The following ANK3 variants were observed in gnomAD, a reference collection of about 807,000 sequenced individuals.
ANK3 encodes ankyrin-3.
Under a neutral mutation model 370.9 loss-of-function variants are expected in ANK3, and 57 were observed. That is an observed-to-expected ratio of 0.15 (90% CI 0.12 to 0.19). The LOEUF is 0.19. ANK3 is among the 10% of genes least tolerant of loss of function. ANK3 has a pLI of 1.00. For missense variants in ANK3, 4,439 were observed against 5,302.1 expected (o/e 0.84, Z 5.06); for synonymous variants, 1,929 against 1,946.3 (o/e 0.99, Z 0.23).
At chr10:60,467,428 T>C (rs1247176519) in intron 2 of ANK3, among the ~76,000 whole-genome samples, 1 of 152,180 alleles carries the variant, frequency 6.6e-6, no homozygotes, top group South Asian at 2.1e-4. Context: ...AACACATCTT[T>C]AGCAGGATGT....
chr10:60,355,937 C>A (rs777157903), intron 1 of ANK3, among the ~76,000 whole-genome samples: 23 of 152,154 alleles, frequency 1.5e-4, no homozygotes, highest in Non-Finnish European at 3.4e-4. Flanking sequence ...GAAACAGAAG[C>A]CAGTTATTTC....
chr10:60,197,574 G>T (rs1306623941), intron 14 of ANK3, among the ~76,000 whole-genome samples: 1 of 152,198 alleles, frequency 6.6e-6, no homozygotes, highest in Non-Finnish European at 1.5e-5. Context: ...AGAGCCCAAA[G>T]AATCACAAGA....
chr10:60,618,948 A>T (rs2078299414), intron 1 of ANK3, among the ~76,000 whole-genome samples: 1 of 152,118 alleles, frequency 6.6e-6, no homozygotes, highest in South Asian at 2.1e-4. Context: ...AAAACCAGAA[A>T]TAAGAAAAAA....
At chr10:60,469,975 T>C (rs1366993297) in intron 2 of ANK3, among the ~76,000 whole-genome samples, 1 of 152,012 alleles carries the variant, frequency 6.6e-6, no homozygotes, top group Non-Finnish European at 1.5e-5. Flanking sequence ...ATAATCTATT[T>C]ATCTGTGTGT....
chr10:60,442,462 T>C (rs76071009), intron 2 of ANK3, among the ~76,000 whole-genome samples: 13,014 of 152,230 alleles, frequency 0.085, 659 homozygotes, highest in South Asian at 0.16. Flanking sequence ...AAATGCTATG[T>C]AAGTGGTTGT....
chr10:60,368,953 G>A (rs1055235240), intron 1 of ANK3, among the ~76,000 whole-genome samples: 1 of 152,138 alleles, frequency 6.6e-6, no homozygotes. Flanking sequence ...GACTATAGAA[G>A]GGAATAAAGG....
intron 2 of ANK3, among the ~76,000 whole-genome samples, chr10:60,510,574 G>A (rs1186272378): frequency 1.3e-5 from 2 of 152,252 alleles, no homozygotes; most frequent in East Asian, 3.9e-4. Flanking sequence ...AGCACTTTGG[G>A]AGGCCCAGGC....
At chr10:60,658,688 G>A (rs1473162163) in intron 1 of ANK3, among the ~76,000 whole-genome samples, 1 of 152,028 alleles carries the variant, frequency 6.6e-6, no homozygotes, top group African/African-American at 2.4e-5. Flanking sequence ...TTTTTCTCCT[G>A]AGTATAGGTC....
At chr10:60,326,273 CTTAAAAG>C (rs946302855) in intron 1 of ANK3, among the ~76,000 whole-genome samples, 24 of 151,512 alleles carry the variant, frequency 1.6e-4, no homozygotes, top group African/African-American at 5.4e-4. Context: ...TATTTCTGAA[CTTAAAAG>C]TTAAAAAAAT....
At chr10:60,619,331 A>G (rs577165736) in intron 1 of ANK3, among the ~76,000 whole-genome samples, 49 of 152,142 alleles carry the variant, frequency 3.2e-4, no homozygotes, top group African/African-American at 1.1e-3. Flanking sequence ...CCTGCCTCCA[A>G]TCTAAGTTCC....
At chr10:60,241,082 T>C (rs1310648328) in intron 7 of ANK3, among the ~76,000 whole-genome samples, 1 of 152,208 alleles carries the variant, frequency 6.6e-6, no homozygotes, top group Non-Finnish European at 1.5e-5. Flanking sequence ...TTCTATACTC[T>C]GAATGCCCCA....
At chr10:60,366,340 A>T (rs1010676260) in intron 1 of ANK3, among the ~76,000 whole-genome samples, 6 of 152,132 alleles carry the variant, frequency 3.9e-5, no homozygotes, top group Admixed American at 3.9e-4. Flanking sequence ...CTCGAAAAAA[A>T]CAAAAAAATT....
chr10:60,239,331 T>C (rs546330774), intron 7 of ANK3, among the ~76,000 whole-genome samples: 209 of 151,668 alleles, frequency 1.4e-3, no homozygotes, highest in African/African-American at 4.8e-3. Context: ...AAACTCCAAC[T>C]AGACACAATA....
chr10:60,476,928 A>G (rs1287863540), intron 2 of ANK3, among the ~76,000 whole-genome samples: 1 of 152,190 alleles, frequency 6.6e-6, no homozygotes, highest in African/African-American at 2.4e-5. Flanking sequence ...TTTCTCCTAA[A>G]TTAACATGCA....
At chr10:60,214,361 CT>C (rs1357493363) in intron 8 of ANK3, among the ~76,000 whole-genome samples, 3 of 152,032 alleles carry the variant, frequency 2.0e-5, no homozygotes, top group Admixed American at 1.3e-4. Context: ...ACTTAATGAT[CT>C]TTTTTTGTCT....
At chr10:60,192,648 C>A (rs1006755463) in intron 16 of ANK3, among the ~76,000 whole-genome samples, 50 of 152,008 alleles carry the variant, frequency 3.3e-4, no homozygotes, top group Admixed American at 3.3e-3. Context: ...AATGTGTGCA[C>A]ATGGACATAA....
intron 1 of ANK3, among the ~76,000 whole-genome samples, chr10:60,326,102 G>T (rs2049792669): frequency 6.6e-6 from 1 of 152,014 alleles, no homozygotes; most frequent in Non-Finnish European, 1.5e-5. Context: ...ACAGAGAGGG[G>T]AACAACAGAC....
intron 2 of ANK3, among the ~76,000 whole-genome samples, chr10:60,397,358 T>C (rs1448755138): frequency 6.6e-6 from 1 of 152,188 alleles, no homozygotes; most frequent in African/African-American, 2.4e-5. Context: ...TTTCTTGGAT[T>C]TAGCAATGAA....
At chr10:60,673,198 T>C (rs1744572951) in intron 1 of ANK3, among the ~76,000 whole-genome samples, 1 of 152,124 alleles carries the variant, frequency 6.6e-6, no homozygotes, top group South Asian at 2.1e-4. Context: ...ACATGTTTTT[T>C]TTTCTTTTTC....
Sources: gnomAD v4.1 joint callset for allele counts (sites outside exome capture counted in the v4.1 genomes callset) on GRCh38, gnomAD v4.1.1 for gene constraint, MANE v1.5 for transcripts, NCBI Gene and HGNC (gene_info 2026-07-23, HGNC 2026-07-21) for gene names.